SLC4A4: variants seen among roughly 807,000 people sequenced by gnomAD.
SLC4A4 encodes the protein electrogenic sodium bicarbonate cotransporter 1.
In SLC4A4, 27 loss-of-function variants were observed where a neutral mutation model predicts 111.5. The observed-to-expected ratio is 0.24, with a 90% CI of 0.18 to 0.33. The LOEUF (loss-of-function observed/expected upper bound fraction) is 0.33. Ranked by LOEUF, SLC4A4 falls within the 10% of genes least tolerant of loss-of-function variation. The pLI is 1.00. For synonymous variants in SLC4A4, 443 were observed against 463.4 expected (o/e 0.96, Z 0.57); for missense variants, 909 against 1,315.5 (o/e 0.69, Z 4.78).
At chr4:71,424,505 G>C (rs1359919440) in intron 7 of SLC4A4, among the ~76,000 whole-genome samples, 1 of 151,968 alleles carries the variant, frequency 6.6e-6, no homozygotes, top group African/African-American at 2.4e-5. Flanking sequence ...ATACCCAAAG[G>C]ACTATAAATC....
At chr4:71,221,281 T>C (rs1452396613) in intron 1 of SLC4A4, among the ~76,000 whole-genome samples, 2 of 152,210 alleles carry the variant, frequency 1.3e-5, no homozygotes, top group African/African-American at 4.8e-5. Context: ...CTTTTAACTC[T>C]TTGAGGATCA....
intron 6 of SLC4A4, among the ~76,000 whole-genome samples, chr4:71,363,387 C>T (rs568649998): frequency 7.2e-5 from 11 of 152,232 alleles, no homozygotes; most frequent in Admixed American, 3.3e-4. Context: ...CTGGGACCAC[C>T]GCCAGGTCTG....
intron 2 of SLC4A4, among the ~76,000 whole-genome samples, chr4:71,128,042 T>C (rs1446437331): frequency 1.3e-5 from 2 of 152,202 alleles, no homozygotes; most frequent in Non-Finnish European, 2.9e-5. Flanking sequence ...GCTGTCATCG[T>C]GCCACTACAC....
intron 2 of SLC4A4, among the ~76,000 whole-genome samples, chr4:71,138,618 T>C (rs1339241496): frequency 1.3e-5 from 2 of 152,230 alleles, no homozygotes; most frequent in Admixed American, 6.5e-5. Context: ...CACCATTTCT[T>C]TTCTGGACTG....
At chr4:71,514,414 C>A (rs545219827) in intron 16 of SLC4A4, among the ~76,000 whole-genome samples, 2 of 152,278 alleles carry the variant, frequency 1.3e-5, no homozygotes, top group East Asian at 1.9e-4. Context: ...GAGGCCTCCC[C>A]AGCCATGCTT....
chr4:71,482,968 G>A (rs928217243), intron 14 of SLC4A4, among the ~76,000 whole-genome samples: 1 of 151,688 alleles, frequency 6.6e-6, no homozygotes, highest in Middle Eastern at 3.4e-3. Context: ...TATGAAATGG[G>A]TATAAAAGTA....
chr4:71,322,199 T>C (rs1727167214), intron 3 of SLC4A4, among the ~76,000 whole-genome samples: 1 of 151,960 alleles, frequency 6.6e-6, no homozygotes, highest in South Asian at 2.1e-4. Context: ...GAGGCCTCCA[T>C]TCCTCTCCCG....
chr4:71,337,964 G>A (rs1016481529), intron 3 of SLC4A4, among the ~76,000 whole-genome samples: 8 of 151,906 alleles, frequency 5.3e-5, no homozygotes, highest in Middle Eastern at 6.8e-3. Context: ...TGAGTAGCTG[G>A]GAATACAGGC....
At chr4:71,503,095 C>T (rs1731094136) in intron 16 of SLC4A4, among the ~76,000 whole-genome samples, 1 of 151,992 alleles carries the variant, frequency 6.6e-6, no homozygotes, top group Non-Finnish European at 1.5e-5. Flanking sequence ...TCACTTTTTA[C>T]AGTTTTCGAC....
chr4:71,318,538 T>C (rs201661775), intron 3 of SLC4A4, among the ~76,000 whole-genome samples: 2 of 152,164 alleles, frequency 1.3e-5, no homozygotes, highest in East Asian at 3.9e-4. Context: ...TTTAGGCATA[T>C]TTTATATTAG....
chr4:71,321,510 TGC>T, intron 3 of SLC4A4, among the ~76,000 whole-genome samples: 1 of 152,132 alleles, frequency 6.6e-6, no homozygotes, highest in South Asian at 2.1e-4. Context: ...TGCTGCTGTG[TGC>T]TGCTACCACA....
chr4:71,371,525 T>C (rs146280197), intron 6 of SLC4A4, among the ~76,000 whole-genome samples: 1 of 152,272 alleles, frequency 6.6e-6, no homozygotes, highest in African/African-American at 2.4e-5. Context: ...ATTACAGATG[T>C]AAGCCACCAC....
At position 71,402,366 on chromosome 4, in the gene SLC4A4, C is replaced by A. The variant is rs73828142; in HGVS notation, c.807+4713C>A. ...TTGAACATAGATTTCCATCCCAGGGCTCACATAAAGCTTCTCTTAGCATTA... is the reference window on the plus strand; with the variant it reads ...TTGAACATAGATTTCCATCCCAGGGATCACATAAAGCTTCTCTTAGCATTA... On this transcript the variant is annotated intron_variant, in intron 7 of 25. Coordinates refer to ENST00000264485, the MANE Select transcript of SLC4A4 (RefSeq NM_001098484.3). 6.8e-3 allele frequency among the ~76,000 whole-genome samples: 1,041 copies of A among 152,140 alleles called. 11 individuals carry two copies. The highest frequency in any genetic ancestry group is 0.023 in the African/African-American group (945 of 41,526).
At chr4:71,100,597 A>G (rs1281677894) in intron 2 of SLC4A4, among the ~76,000 whole-genome samples, 1 of 152,294 alleles carries the variant, frequency 6.6e-6, no homozygotes, top group East Asian at 1.9e-4. Context: ...GTCTGCCCAG[A>G]GCAGTCAGAC....
intron 6 of SLC4A4, among the ~76,000 whole-genome samples, chr4:71,378,233 G>T (rs1468204566): frequency 6.6e-6 from 1 of 152,176 alleles, no homozygotes; most frequent in Non-Finnish European, 1.5e-5. Context: ...TGAAGGTGGA[G>T]ATTCAGAAAT....
In SLC4A4 at chr4:71,568,166, A is replaced by G. The variant is rs954827945; in HGVS notation, c.*415A>G. 6 of 319,538 alleles carry G rather than the reference A, an allele frequency of 1.9e-5. No homozygotes were observed. The highest frequency in any genetic ancestry group is 3.4e-5 in the Non-Finnish European group (6 of 174,414). 19.8% of individuals were successfully genotyped at this position (319,538 alleles called of 1,614,324 possible). On this transcript the variant is annotated 3_prime_UTR_variant, in exon 26 of 26. Coordinates refer to ENST00000264485, the MANE Select transcript of SLC4A4 (RefSeq NM_001098484.3). ...TGTCACTCAAGACACAGACACGCAC[A>G]GACCCTGTCCTTTGCCTCTATTAAG...
At chr4:71,223,249 C>T (rs1718855158) in intron 1 of SLC4A4, among the ~76,000 whole-genome samples, 1 of 151,772 alleles carries the variant, frequency 6.6e-6, no homozygotes, top group Non-Finnish European at 1.5e-5. Context: ...GATCTCAGCT[C>T]ACTGCAAGCT....
chr4:71,508,530 A>T (rs1044645174), intron 16 of SLC4A4, among the ~76,000 whole-genome samples: 1 of 152,188 alleles, frequency 6.6e-6, no homozygotes, highest in African/African-American at 2.4e-5. Context: ...AAATTCCTGG[A>T]CACATACACC....
chr4:71,517,257 A>T (rs1266356816), intron 16 of SLC4A4, among the ~76,000 whole-genome samples: 1 of 151,796 alleles, frequency 6.6e-6, no homozygotes, highest in Non-Finnish European at 1.5e-5. Flanking sequence ...CTGTCACATA[A>T]ATCTTATAAA....
Sources: gnomAD v4.1 joint callset for allele counts (sites outside exome capture counted in the v4.1 genomes callset) on GRCh38, gnomAD v4.1.1 for gene constraint, MANE v1.5 for transcripts, NCBI Gene and HGNC (gene_info 2026-07-23, HGNC 2026-07-21) for gene names.